POLR3E: variants seen among roughly 807,000 people sequenced by gnomAD.
The protein encoded by POLR3E is RNA polymerase III subunit E.
In POLR3E, 41 loss-of-function variants were observed where a neutral mutation model predicts 96.6. That is an observed-to-expected ratio of 0.42 (90% CI 0.33 to 0.55). The LOEUF is 0.55. POLR3E is among the 20% of genes least tolerant of loss of function. The pLI is 0.06. For synonymous variants in POLR3E, 396 were observed against 383.6 expected, an observed-to-expected ratio of 1.03 and a Z score of -0.38; for missense variants, 849 against 952.1, an observed-to-expected ratio of 0.89 and a Z score of 1.43.
rs779970385 is a variant in POLR3E at position 22,318,785 on chromosome 16, G to A, written c.866-41G>A. Reference sequence around the variant, plus strand: ...CTCGGTGGAGGGGAGGGAAGGGCCCGGCCCCTCTTCCTTGTCTGATGTCTC... The same window carrying A: ...CTCGGTGGAGGGGAGGGAAGGGCCCAGCCCCTCTTCCTTGTCTGATGTCTC... On this transcript the variant is annotated intron_variant, in intron 12 of 20. Coordinates refer to ENST00000299853, the MANE Select transcript of POLR3E (RefSeq NM_018119.4). The surrounding 1 kb of genome is among the most constrained non-coding windows in gnomAD (Gnocchi z 5.0). 4.2e-5 allele frequency: 66 copies of A among 1,589,730 alleles called. No homozygotes were observed. The highest frequency in any genetic ancestry group is 5.2e-5 in the Non-Finnish European group (61 of 1,165,204).
rs376322597 is a variant in POLR3E, at chr16:22,326,032, G to A, written c.1620G>A (p.Ala540=). Reference sequence around the variant, plus strand: ...ACGGGCTGCCTCTCGGGCGGGCTGCGGGCACAGACAGCTTCAACGGGCACC... The same window carrying A: ...ACGGGCTGCCTCTCGGGCGGGCTGCAGGCACAGACAGCTTCAACGGGCACC... ...LANGLPLGRA[A]GTDSFNGHPP... The change falls in exon 18 of 21, where the codon GCG becomes GCA. Residue 540 remains alanine, a synonymous_variant. Coordinates refer to ENST00000299853, the MANE Select transcript of POLR3E (RefSeq NM_018119.4). 16 of 1,602,584 alleles carry A rather than the reference G, an allele frequency of 1.0e-5. No individual in the cohort carries two copies. The highest frequency in any genetic ancestry group is 1.4e-5 in the Non-Finnish European group (16 of 1,173,112).
At chr16:22,303,072 C>T (rs2048060497) in intron 2 of POLR3E, 68 bp downstream of exon 2, 3 of 1,393,852 alleles carry the variant, frequency 2.2e-6, no homozygotes, top group Non-Finnish European at 3.1e-6. Context: ...TTCCATGTGT[C>T]CTCAGGCCAG....
chr16:22,333,161 C>T (rs2048778380), intron 20 of POLR3E, among the ~76,000 whole-genome samples: 1 of 149,422 alleles, frequency 6.7e-6, no homozygotes, highest in Admixed American at 6.6e-5. Context: ...TTAAAATGCC[C>T]CTGAGGAATG....
chr16:22,302,798 A>G (rs971311616), intron 1 of POLR3E, 133 bp from the exon 2 acceptor site: 4 of 715,946 alleles, frequency 5.6e-6, no homozygotes, highest in Admixed American at 1.9e-5. Context: ...TGTTGACTTC[A>G]ATGTAGATGT....
intron 3 of POLR3E, among the ~76,000 whole-genome samples, chr16:22,305,684 A>G (rs2048119362): frequency 6.6e-6 from 1 of 152,124 alleles, no homozygotes; most frequent in African/African-American, 2.4e-5. Context: ...GGGCAGCTCC[A>G]TGGCAGCGTC....
At chr16:22,303,154 C>A (rs898107552) in intron 2 of POLR3E, 150 bp downstream of exon 2, 3 of 762,106 alleles carry the variant, frequency 3.9e-6, no homozygotes, top group South Asian at 1.5e-5. Context: ...CTGCTGTCCC[C>A]CAGACCCCTG....
At chr16:22,328,657 G>T in intron 19 of POLR3E, 70 bp downstream of exon 19, 3 of 1,261,852 alleles carry the variant, frequency 2.4e-6, no homozygotes, top group Admixed American at 1.7e-5. Context: ...AGGCCTTGGG[G>T]GACATGTGCA....
At position 22,313,522 on chromosome 16, in the gene POLR3E, T is replaced by C. The variant is rs548223622; in HGVS notation, c.365-98T>C. 2.7e-6 allele frequency: 2 copies of C among 740,312 alleles called. No individual in the cohort carries two copies. The highest frequency in any genetic ancestry group is 5.1e-5 in the East Asian group (2 of 39,550). The allele number at this position is 740,312 out of a possible 1,614,324, so 45.9% of individuals were successfully genotyped here. A position where few individuals can be genotyped will look rare whatever the true frequency, so the allele number is the denominator to read the frequency against. ...GGCTGCAGCGGGAATGGGAGGCGGT[T>C]TGATGGTGGGCCTAGGCCTTCACGG... On this transcript the variant is annotated intron_variant, in intron 6 of 20. Transcript: ENST00000299853. The surrounding 1 kb of genome is among the most constrained non-coding windows in gnomAD (Gnocchi z 4.1).
intron 2 of POLR3E, among the ~76,000 whole-genome samples, chr16:22,303,305 A>C (rs2048065787): frequency 6.6e-6 from 1 of 151,950 alleles, no homozygotes; most frequent in Admixed American, 6.6e-5. Flanking sequence ...GCGGTAACTC[A>C]TACTTGGCCT....
At chr16:22,323,620 C>A (rs372420886) in intron 14 of POLR3E, among the ~76,000 whole-genome samples, 6 of 152,252 alleles carry the variant, frequency 3.9e-5, no homozygotes, top group East Asian at 3.9e-4. Flanking sequence ...AGGAGCCTCC[C>A]CAACTCCTCT....
At chr16:22,325,585 A>G (rs751332336) in intron 17 of POLR3E, among the ~76,000 whole-genome samples, 176 bp from the exon 18 acceptor site, 36 of 152,118 alleles carry the variant, frequency 2.4e-4, no homozygotes, top group Non-Finnish European at 4.4e-4. Context: ...CCTTCCCCGC[A>G]TGACTCTCGG....
At chr16:22,306,658 C>T (rs1598240424) in intron 3 of POLR3E, among the ~76,000 whole-genome samples, 1 of 152,208 alleles carries the variant, frequency 6.6e-6, no homozygotes, top group African/African-American at 2.4e-5. Context: ...TACTTTTTGG[C>T]TATTATAAAT....
In POLR3E at chr16:22,325,770, G is replaced by T; in HGVS notation, c.1358G>T (p.Gly453Val). Residue 453 changes from glycine (G) to valine (V), a missense_variant, in exon 18 of 21, where the codon GGG becomes GTG. Transcript: ENST00000299853. Reference protein sequence around the residue: ...KKPDAQSGPAGLVCGDQRIQV... With the variant: ...KKPDAQSGPAVLVCGDQRIQV... ...GCCTCCCTCCCCGCAGGGCCTGCCG[G>T]GCTGGTCTGTGGGGACCAGCGGATC... 1 of 1,564,806 alleles carries T rather than the reference G, an allele frequency of 6.4e-7. No homozygotes were observed. Among genetic ancestry groups the T allele is most frequent in the East Asian group, 2.2e-5 (1 of 44,460 alleles).
chr16:22,306,639 G>C lies in POLR3E; in HGVS notation c.87+1433G>C, dbSNP rs544274819. On this transcript the variant is annotated intron_variant, in intron 3 of 20. Transcript: ENST00000299853. Reference sequence around the variant, plus strand: ...CCATTCATCAGCTGATGGGTATTTGGGTTATTTCTACTTTTTGGCTATTAT... The same window carrying C: ...CCATTCATCAGCTGATGGGTATTTGCGTTATTTCTACTTTTTGGCTATTAT... 1.8e-3 allele frequency among the ~76,000 whole-genome samples: 269 copies of C among 152,312 alleles called. 1 individual carries two copies. The highest frequency in any genetic ancestry group is 0.01 in the Middle Eastern group (3 of 294).
At chr16:22,309,745 C>G (rs867040759) in intron 6 of POLR3E, 1 of 577,698 alleles carries the variant, frequency 1.7e-6, no homozygotes, top group Non-Finnish European at 3.1e-6. Flanking sequence ...GCTCCAAGTT[C>G]ATTTGTCCTC....
intron 18 of POLR3E, 44 bp from the exon 19 acceptor site, chr16:22,328,466 T>TG (rs768046706): frequency 3.2e-4 from 485 of 1,516,268 alleles, no homozygotes; most frequent in Non-Finnish European, 4.2e-4. Flanking sequence ...AATGGATCCA[T>TG]GGGGTAGAGA....
Position 22,322,931 on chromosome 16 carries a change from T to C in POLR3E, c.1068T>C (p.Val356=), listed in dbSNP as rs1361835601. 2 of 1,607,332 alleles carry C rather than the reference T, an allele frequency of 1.2e-6. No homozygotes were observed. Among genetic ancestry groups the C allele is most frequent in the South Asian group, 2.2e-5 (2 of 90,560 alleles). ...TGCTCTGCAGGGGCCGAGACTTCGT[T>C]GTAAGTACCTTGGGTTCTCTGGACT... is the stretch of plus-strand genomic sequence containing the variant. ...AEVLCRGRDF[V]MWKFTQSRWV... is the part of the protein sequence containing the mutation. The change falls in exon 14 of 21, where the codon GTT becomes GTC. Residue 356 remains valine, a splice_region_variant and synonymous_variant. Transcript: ENST00000299853. The surrounding 1 kb of genome is among the most constrained non-coding windows in gnomAD (Gnocchi z 5.2).
intron 4 of POLR3E, chr16:22,308,467 A>C: frequency 1.8e-6 from 1 of 541,616 alleles, no homozygotes; most frequent in Non-Finnish European, 3.3e-6. Context: ...TTAGGTTCCC[A>C]GGATAAGACG....
chr16:22,319,008 C>T, intron 13 of POLR3E, 62 bp downstream of exon 13: 1 of 1,295,720 alleles, frequency 7.7e-7, no homozygotes, highest in East Asian at 2.6e-5. Context: ...GAGCTTCACT[C>T]TTGTTGCCCA....
Sources: allele counts gnomAD v4.1 joint callset (sites outside exome capture counted in the v4.1 genomes callset), GRCh38; gene constraint gnomAD v4.1.1; non-coding constraint Gnocchi (gnomAD v3.1); transcripts MANE v1.5; gene names NCBI Gene and HGNC (gene_info 2026-07-23, HGNC 2026-07-21).